Variants in PCDH7 observed in about 807,000 individuals in gnomAD.
PCDH7 encodes the protein protocadherin-7.
In PCDH7, 17 loss-of-function variants were observed where a neutral mutation model predicts 58.9. The ratio of observed to expected loss-of-function variants is 0.29; its 90% CI spans 0.20 to 0.43. PCDH7 has a LOEUF of 0.43. PCDH7 is among the 20% of genes least tolerant of loss of function. The pLI, the probability that PCDH7 is intolerant of heterozygous loss-of-function variation, is 1.00. For missense variants in PCDH7, 1,274 were observed against 1,441.0 expected (o/e 0.88, Z 1.88); for synonymous variants, 664 against 616.4 (o/e 1.08, Z -1.14).
chr4:30,793,201 T>A (rs1163285028), intron 1 of PCDH7, among the ~76,000 whole-genome samples: 1 of 152,136 alleles, frequency 6.6e-6, no homozygotes, highest in Non-Finnish European at 1.5e-5. Flanking sequence ...GTGATTGTAT[T>A]CAAATTAACA....
chr4:31,119,129 T>C (rs1372536348), intron 3 of PCDH7, among the ~76,000 whole-genome samples: 1 of 152,188 alleles, frequency 6.6e-6, no homozygotes, highest in Non-Finnish European at 1.5e-5. Flanking sequence ...GGCTTTTATA[T>C]GTTTTCTTTC....
At chr4:30,740,687 T>C (rs1221633681) in intron 1 of PCDH7, among the ~76,000 whole-genome samples, 2 of 152,104 alleles carry the variant, frequency 1.3e-5, no homozygotes, top group African/African-American at 4.8e-5. Flanking sequence ...CTTGAGGTTT[T>C]TTTTTAATCT....
At chr4:31,102,268 A>G (rs57858287) in intron 3 of PCDH7, among the ~76,000 whole-genome samples, 3,645 of 152,130 alleles carry the variant, frequency 0.024, 79 homozygotes, top group African/African-American at 0.054. Context: ...ATCTATCTAA[A>G]CCAAGTCAAG....
rs2109314968 is a variant in PCDH7 at position 31,114,196 on chromosome 4, A to G, written c.*8-28277A>G. On this transcript the variant is annotated intron_variant, in intron 3 of 3. Coordinates refer to the PCDH7 transcript ENST00000509759. ...TTGTATTATTCTATCCTCATTTTTCAGTTAAAAACTTTTCTAATCAGTAGA... is the reference window on the plus strand; with the variant it reads ...TTGTATTATTCTATCCTCATTTTTCGGTTAAAAACTTTTCTAATCAGTAGA... 2.0e-5 allele frequency among the ~76,000 whole-genome samples: 3 copies of G among 152,266 alleles called. No homozygotes were observed. The South Asian group carries it at 6.2e-4, about 32-fold the overall frequency.
chr4:30,805,416 AC>A (rs1272690386), intron 1 of PCDH7, among the ~76,000 whole-genome samples: 1 of 152,230 alleles, frequency 6.6e-6, no homozygotes, highest in Admixed American at 6.5e-5. Flanking sequence ...TGAGGATAAT[AC>A]TAAGAACTAC....
At chr4:31,081,774 CTT>C (rs200658213) in intron 3 of PCDH7, among the ~76,000 whole-genome samples, 2 of 142,082 alleles carry the variant, frequency 1.4e-5, no homozygotes, top group African/African-American at 5.1e-5. Flanking sequence ...TTTTTAATTT[CTT>C]TTTTTTTTTT....
intron 1 of PCDH7, among the ~76,000 whole-genome samples, chr4:30,780,784 T>G (rs985844394): frequency 2.0e-5 from 3 of 152,166 alleles, no homozygotes; most frequent in Non-Finnish European, 4.4e-5. Context: ...TTTTTCTTAG[T>G]ATACTCGATT....
chr4:31,093,546 C>T (rs888012022), intron 3 of PCDH7, among the ~76,000 whole-genome samples: 1 of 151,852 alleles, frequency 6.6e-6, no homozygotes, highest in Non-Finnish European at 1.5e-5. Flanking sequence ...TTTCTACAGC[C>T]TTATTTTGAA....
chr4:30,977,112 A>G (rs370544606), intron 3 of PCDH7, among the ~76,000 whole-genome samples: 2 of 152,302 alleles, frequency 1.3e-5, no homozygotes, highest in South Asian at 2.1e-4. Context: ...CATTTGTCAT[A>G]TCGTTCTTTA....
intron 1 of PCDH7, among the ~76,000 whole-genome samples, chr4:30,817,065 T>C (rs1172553487): frequency 6.6e-6 from 1 of 152,190 alleles, no homozygotes; most frequent in East Asian, 1.9e-4. Context: ...ATTATTTGGC[T>C]ATGCAATCTC....
intron 1 of PCDH7, among the ~76,000 whole-genome samples, chr4:30,835,422 T>C (rs546501608): frequency 6.6e-6 from 1 of 152,064 alleles, no homozygotes; most frequent in African/African-American, 2.4e-5. Context: ...TTTCTGAGAA[T>C]CTAACTAATG....
intron 1 of PCDH7, among the ~76,000 whole-genome samples, chr4:30,868,105 A>G (rs1321009934): frequency 6.6e-6 from 1 of 152,062 alleles, no homozygotes; most frequent in East Asian, 1.9e-4. Flanking sequence ...ATGTATTCTG[A>G]CAGAAATAAA....
chr4:31,134,109 T>C (rs1319730583), intron 3 of PCDH7, among the ~76,000 whole-genome samples: 1 of 152,166 alleles, frequency 6.6e-6, no homozygotes, highest in Non-Finnish European at 1.5e-5. Flanking sequence ...TGTTCTGTTA[T>C]AAGCATTGTA....
chr4:31,121,091 G>T lies in PCDH7; in HGVS notation c.*8-21382G>T, dbSNP rs16884374. Among the ~76,000 whole-genome samples the T allele has an allele frequency of 2.4e-3, 369 of 152,248 alleles. 6 individuals are homozygous for T. In the East Asian group the frequency reaches 0.049, roughly 20 times the overall value. On this transcript the variant is annotated intron_variant, in intron 3 of 3. Coordinates refer to the PCDH7 transcript ENST00000509759. ...CTTAATTAACGCTGGTGTGCTGGAT[G>T]TAATCAGTACATGTTCATTATTCAC...
At chr4:30,813,377 G>A (rs887768433) in intron 1 of PCDH7, among the ~76,000 whole-genome samples, 4 of 151,962 alleles carry the variant, frequency 2.6e-5, no homozygotes, top group Admixed American at 6.6e-5. Flanking sequence ...ATCAATCTCC[G>A]GATCCTCCAA....
intron 1 of PCDH7, among the ~76,000 whole-genome samples, chr4:30,901,306 G>GAT (rs1240749355): frequency 1.3e-5 from 2 of 152,096 alleles, no homozygotes; most frequent in African/African-American, 4.8e-5. Context: ...GATAGAGAGA[G>GAT]GAATAAGTAT....
chr4:31,061,041 T>C (rs985528254), intron 3 of PCDH7, among the ~76,000 whole-genome samples: 6 of 151,720 alleles, frequency 4.0e-5, no homozygotes, highest in Non-Finnish European at 8.9e-5. Context: ...CAGGTTTTAA[T>C]AATTTCAAAA....
At chr4:30,735,792 G>A (rs1560314071), downstream of PCDH7, among the ~76,000 whole-genome samples, 1 of 152,172 alleles carries the variant, frequency 6.6e-6, no homozygotes, top group Non-Finnish European at 1.5e-5. Context: ...TTTGTGGCCT[G>A]GAATTTTGGG....
At chr4:30,968,855 GCCTGTATA>G (rs997048908) in intron 3 of PCDH7, among the ~76,000 whole-genome samples, 130 of 152,148 alleles carry the variant, frequency 8.5e-4, no homozygotes, top group Middle Eastern at 3.4e-3. Context: ...CCATACATGT[GCCTGTATA>G]CATCTTGTTT....
Sources: allele counts gnomAD v4.1 joint callset (sites outside exome capture counted in the v4.1 genomes callset), GRCh38; gene constraint gnomAD v4.1.1; transcripts MANE v1.5; gene names NCBI Gene and HGNC (gene_info 2026-07-23, HGNC 2026-07-21).